HEATR5A: variants seen among roughly 807,000 people sequenced by gnomAD.
HEATR5A encodes the protein HEAT repeat containing 5A, also known as HEAT repeat-containing protein 5A.
In HEATR5A, 178 loss-of-function variants were observed where a neutral mutation model predicts 218.8. That is an observed-to-expected ratio of 0.81 (90% CI 0.72 to 0.92). The LOEUF is 0.92. Ranked by LOEUF, HEATR5A falls within the 40% of genes least tolerant of loss-of-function variation. The pLI, the probability that HEATR5A is intolerant of heterozygous loss-of-function variation, is 0.00. For missense variants in HEATR5A, 2,420 were observed against 2,418.9 expected, an observed-to-expected ratio of 1.00 and a Z score of -0.01; for synonymous variants, 864 against 871.6, an observed-to-expected ratio of 0.99 and a Z score of 0.15.
chr14:31,306,515 G>A, intron 31 of HEATR5A, among the ~76,000 whole-genome samples: 1 of 151,542 alleles, frequency 6.6e-6, no homozygotes, highest in Non-Finnish European at 1.5e-5. Context: ...ATAAAGCCAT[G>A]CCTAAAGACT....
intron 13 of HEATR5A, among the ~76,000 whole-genome samples, chr14:31,370,225 C>CAAAAAA (rs572866314): frequency 1.1e-3 from 119 of 107,182 alleles, no homozygotes; most frequent in Middle Eastern, 6.3e-3. Context: ...GACTACGTCT[C>CAAAAAA]AAAAAAAAAA....
At chr14:31,386,335 A>G in intron 9 of HEATR5A, 85 bp downstream of exon 9, 8 of 954,862 alleles carry the variant, frequency 8.4e-6, no homozygotes, top group Admixed American at 3.0e-5. Context: ...AATGGAATCT[A>G]TAAGTAAGCT....
chr14:31,344,202 T>G (rs935013224), intron 20 of HEATR5A, 137 bp from the exon 21 acceptor site: 1 of 407,474 alleles, frequency 2.5e-6, no homozygotes, highest in African/African-American at 2.1e-5. Context: ...ACTACAAATC[T>G]GTGATGTACA....
rs8011770 is a variant in HEATR5A at position 31,375,717 on chromosome 14, C to T, written c.1709-749G>A. On this transcript the variant is annotated intron_variant, in intron 11 of 35. Transcript: ENST00000543095. The stretch of plus-strand genomic sequence containing the variant: ...TGTATTCTTGATCTTCAGAATAATG[C>T]TAACTTCTGATAGCAACTTGTTCCA... Among the ~76,000 whole-genome samples, 1,505 of 152,138 alleles carry T rather than the reference C, an allele frequency of 9.9e-3. 19 individuals carry two copies. Among genetic ancestry groups the T allele is most frequent in the African/African-American group, 0.034 (1,427 of 41,502 alleles).
rs537103661 is a variant in HEATR5A at position 31,417,736 on chromosome 14, C to A, written c.-75+2736G>T. 6.7e-3 allele frequency among the ~76,000 whole-genome samples: 983 copies of A among 146,302 alleles called. 5 individuals carry two copies. Among genetic ancestry groups the A allele is most frequent in the Middle Eastern group, 0.011 (3 of 282 alleles). The stretch of plus-strand genomic sequence containing the variant: ...CTGCACTCCAGCCTGGGGGACAGAG[C>A]GAGACTCCATCTCAAAAAAAAAAAA... On this transcript the variant is annotated intron_variant, in intron 1 of 35. Coordinates refer to ENST00000543095, the MANE Select transcript of HEATR5A (RefSeq NM_015473.4).
chr14:31,400,332 C>T lies in HEATR5A; in HGVS notation c.307G>A (p.Asp103Asn), dbSNP rs892176386. The T allele has an allele frequency of 2.6e-6, 4 of 1,535,344 alleles. No individual in the cohort carries two copies. In the African/African-American group the frequency reaches 5.5e-5, roughly 21 times the overall value. Residue 103 changes from aspartate to asparagine, a missense_variant, in exon 3 of 36, where the codon GAT (aspartate) becomes AAT (asparagine). Asp to Asn is a conservative substitution (Grantham distance 23, BLOSUM62 1). Coordinates refer to ENST00000543095, the MANE Select transcript of HEATR5A (RefSeq NM_015473.4). ...GTGGGAAGATAACTTGGAGAATCAT[C>T]TTTGCTACGAATAAGATCATTACAT... Reference protein sequence around the residue: ...DKCNDLIRSKDDSPSYLPTKL... With the variant: ...DKCNDLIRSKNDSPSYLPTKL...
Position 31,306,767 on chromosome 14 carries a change from T to G in HEATR5A, c.4931A>C (p.Gln1644Pro). 2.5e-6 allele frequency: 4 copies of G among 1,613,020 alleles called. No homozygotes were observed. Among genetic ancestry groups the G allele is most frequent in the Non-Finnish European group, 3.4e-6 (4 of 1,179,436 alleles). Residue 1644 changes from glutamine (Q) to proline (P), a missense_variant, in exon 31 of 36, where the codon CAA becomes CCA. Physicochemically the swap from Gln to Pro is moderately conservative, Grantham distance 76. Coordinates refer to ENST00000543095, the MANE Select transcript of HEATR5A (RefSeq NM_015473.4). ...TCGTCTTTTTTCCTTCACATGTTCT[T>G]GAGCAGCACAGATAATCTGCCTTAC... is the stretch of plus-strand genomic sequence containing the variant. ...EVVRQIICAA[Q>P]EHVKEKRRSA...
intron 10 of HEATR5A, among the ~76,000 whole-genome samples, chr14:31,381,601 A>G (rs976198182): frequency 1.1e-4 from 16 of 149,766 alleles, no homozygotes; most frequent in Admixed American, 6.6e-5. Flanking sequence ...TGGGCAACAG[A>G]GTGAGATCCT....
At chr14:31,381,852 T>C (rs1010138286) in intron 10 of HEATR5A, among the ~76,000 whole-genome samples, 5 of 152,210 alleles carry the variant, frequency 3.3e-5, no homozygotes, top group Non-Finnish European at 4.4e-5. Context: ...TTATGGATAA[T>C]GTATGCTTAC....
intron 22 of HEATR5A, among the ~76,000 whole-genome samples, chr14:31,336,875 T>C (rs1008044390): frequency 2.4e-4 from 36 of 152,308 alleles, no homozygotes; most frequent in African/African-American, 8.4e-4. Flanking sequence ...CATTGTCATG[T>C]GAACATCATA....
At chr14:31,363,203 C>T (rs1901684701) in intron 14 of HEATR5A, among the ~76,000 whole-genome samples, 1 of 150,624 alleles carries the variant, frequency 6.6e-6, no homozygotes, top group South Asian at 2.1e-4. Flanking sequence ...CATGCCACTG[C>T]ACTCCAGCCT....
chr14:31,376,538 CA>C (rs144378503), intron 11 of HEATR5A, among the ~76,000 whole-genome samples: 2,353 of 152,224 alleles, frequency 0.015, 53 homozygotes, highest in African/African-American at 0.054. Context: ...ATGTATCTAG[CA>C]AACACAACAC....
intron 6 of HEATR5A, 123 bp from the exon 7 acceptor site, chr14:31,389,128 A>T (rs2030350003): frequency 7.9e-6 from 7 of 885,496 alleles, no homozygotes; most frequent in Non-Finnish European, 1.2e-5. Context: ...AAAATGCAAA[A>T]TTTACAGAAC....
Position 31,398,778 on chromosome 14 carries a change from A to T in HEATR5A, c.342T>A (p.Ala114=). ...ACAAGGAACCCAAACATACCACAGC[A>T]GCACTGAAACAACATTTAAATTAGA... is the stretch of plus-strand genomic sequence containing the variant. ...DSPSYLPTKL[A]AVVCLGSLYK... The change falls in exon 4 of 36, where the codon GCT becomes GCA. Residue 114 remains alanine, a synonymous_variant. Coordinates refer to ENST00000543095, the MANE Select transcript of HEATR5A (RefSeq NM_015473.4). 6.6e-7 allele frequency: 1 copy of T among 1,504,228 alleles called. No homozygotes were observed. Among genetic ancestry groups the T allele is most frequent in the South Asian group, 1.2e-5 (1 of 83,010 alleles). The allele number at this position is 1,504,228 out of a possible 1,614,324, so 93.2% of individuals were successfully genotyped here. A position where few individuals can be genotyped will look rare whatever the true frequency, so the allele number is the denominator to read the frequency against.
intron 28 of HEATR5A, among the ~76,000 whole-genome samples, chr14:31,310,127 A>C (rs1366145300): frequency 6.6e-6 from 1 of 152,204 alleles, no homozygotes; most frequent in Non-Finnish European, 1.5e-5. Flanking sequence ...ACAATAATGT[A>C]TGTATTCATT....
chr14:31,304,660 A>C (rs1899496332), intron 32 of HEATR5A, among the ~76,000 whole-genome samples: 1 of 152,114 alleles, frequency 6.6e-6, no homozygotes, highest in Non-Finnish European at 1.5e-5. Context: ...CAGGTGATCC[A>C]CCCACCTTGG....
In HEATR5A at chr14:31,315,765, C is replaced by T. The variant is rs767369876; in HGVS notation, c.4218+5G>A. On this transcript the variant is annotated splice_donor_5th_base_variant and intron_variant, in intron 27 of 35. Coordinates refer to ENST00000543095, the MANE Select transcript of HEATR5A (RefSeq NM_015473.4). Reference sequence around the variant, plus strand: ...AATTCCAGTTACAAATTAAGAAATACCAACCTCTGCCCAGGCTTTAAGCAC... The same window carrying T: ...AATTCCAGTTACAAATTAAGAAATATCAACCTCTGCCCAGGCTTTAAGCAC... The T allele has an allele frequency of 1.8e-5, 28 of 1,560,824 alleles. 1 individual carries two copies. The highest frequency in any genetic ancestry group is 2.3e-5 in the Non-Finnish European group (27 of 1,153,570).
rs376394745 is a variant in HEATR5A, at chr14:31,398,099, C to G, written c.447+574G>C. Among the ~76,000 whole-genome samples, 13 of 152,126 alleles carry G rather than the reference C, an allele frequency of 8.5e-5. No homozygotes were observed. In the East Asian group the frequency reaches 2.5e-3, roughly 29 times the overall value. ...TTATAGTATCTTAATATCTTAAAGTCAAATGAAGAGACAGTCTCAAAAACA... is the reference window on the plus strand; with the variant it reads ...TTATAGTATCTTAATATCTTAAAGTGAAATGAAGAGACAGTCTCAAAAACA... On this transcript the variant is annotated intron_variant, in intron 4 of 35. Coordinates refer to ENST00000543095, the MANE Select transcript of HEATR5A (RefSeq NM_015473.4).
At chr14:31,299,736 CAAAA>C (rs1476354941) in intron 33 of HEATR5A, among the ~76,000 whole-genome samples, 4 of 142,884 alleles carry the variant, frequency 2.8e-5, no homozygotes, top group African/African-American at 5.2e-5. Context: ...AACAAACAAA[CAAAA>C]AAACCCTTTC....
Sources: allele counts gnomAD v4.1 joint callset (sites outside exome capture counted in the v4.1 genomes callset), GRCh38; gene constraint gnomAD v4.1.1; transcripts MANE v1.5; gene names NCBI Gene and HGNC (gene_info 2026-07-23, HGNC 2026-07-21).